GDPD4: variants seen among roughly 807,000 people sequenced by gnomAD.
GDPD4 encodes the protein glycerophosphodiester phosphodiesterase domain containing 4, also known as glycerophosphodiester phosphodiesterase 6.
In GDPD4, 60 loss-of-function variants were observed where a neutral mutation model predicts 67.8. That is an observed-to-expected ratio of 0.88 (90% confidence interval 0.72 to 1.10). The LOEUF is 1.10. Among genes scored for constraint, GDPD4 ranks in the 50% least tolerant of loss-of-function variants. The pLI is 0.00. For synonymous variants in GDPD4, 212 were observed against 210.9 expected, an observed-to-expected ratio of 1.00 and a Z score of -0.04; for missense variants, 623 against 613.9, an observed-to-expected ratio of 1.01 and a Z score of -0.16.
At chr11:77,296,596 C>T (rs113860598) in intron 1 of GDPD4, among the ~76,000 whole-genome samples, 3,652 of 151,572 alleles carry the variant, frequency 0.024, 160 homozygotes, top group African/African-American at 0.084. Context: ...GCTGGGATTA[C>T]AGGTGTGAGC....
rs140778594 is a variant in GDPD4, at chr11:77,285,249, T to C, written c.-50-62A>G. 4.6e-4 allele frequency: 366 copies of C among 795,398 alleles called. 4 individuals carry two copies. The African/African-American group carries it at 5.7e-3, about 12-fold the overall frequency. 49.3% of individuals were successfully genotyped at this position (795,398 alleles called of 1,614,324 possible). On this transcript the variant is annotated intron_variant, in intron 2 of 16. Transcript: ENST00000315938. ...TTATCCTTGTTACCTCAGCAGTTTCTGTATACACTTGCCAAAGGTCAGCAT... is the reference window on the plus strand; with the variant it reads ...TTATCCTTGTTACCTCAGCAGTTTCCGTATACACTTGCCAAAGGTCAGCAT...
chr11:77,284,303 A>G (rs1959892729), intron 3 of GDPD4, among the ~76,000 whole-genome samples: 1 of 152,234 alleles, frequency 6.6e-6, no homozygotes, highest in African/African-American at 2.4e-5. Flanking sequence ...GAAAAGAGAA[A>G]GCAAAATTAT....
At chr11:77,225,238 C>T (rs1363275815) in intron 16 of GDPD4, among the ~76,000 whole-genome samples, 1 of 150,542 alleles carries the variant, frequency 6.6e-6, no homozygotes, top group East Asian at 2.0e-4. Flanking sequence ...GAGGTGGAGG[C>T]TGCAGTGAGC....
At chr11:77,296,129 T>C (rs61901771) in intron 1 of GDPD4, among the ~76,000 whole-genome samples, 51,843 of 150,096 alleles carry the variant, frequency 0.35, 9,199 homozygotes, top group Admixed American at 0.47. Flanking sequence ...CGGGCGCCTA[T>C]AGTCCCAGCT....
At chr11:77,236,812 C>G (rs1254820347) in intron 13 of GDPD4, among the ~76,000 whole-genome samples, 1 of 152,068 alleles carries the variant, frequency 6.6e-6, no homozygotes, top group Non-Finnish European at 1.5e-5. Flanking sequence ...TGGTAACTGA[C>G]AGATAGCAGT....
intron 12 of GDPD4, 24 bp from the exon 13 acceptor site, chr11:77,243,872 C>T (rs754693771): frequency 7.5e-6 from 12 of 1,591,360 alleles, no homozygotes; most frequent in East Asian, 4.5e-5. Context: ...CAAGAAGTCC[C>T]TCAGTAGATA....
chr11:77,232,588 C>T (rs1417297740), intron 14 of GDPD4, among the ~76,000 whole-genome samples: 6 of 152,160 alleles, frequency 3.9e-5, no homozygotes, highest in Admixed American at 1.3e-4. Context: ...GAGTCAAGTA[C>T]GCTTGGTTTT....
chr11:77,252,732 C>T (rs1958931334), intron 11 of GDPD4, among the ~76,000 whole-genome samples: 1 of 152,142 alleles, frequency 6.6e-6, no homozygotes, highest in Non-Finnish European at 1.5e-5. Flanking sequence ...GACTTTGTTC[C>T]TGGGTAGGTG....
rs946151188 is a variant in GDPD4, at chr11:77,270,023, G to T, written c.401-63C>A. On this transcript the variant is annotated intron_variant, in intron 7 of 16. Transcript: ENST00000315938. ...TTGTCCCCTTTAAGCCCTTGCCCCA[G>T]AAATACTTTCTAAAATTTACCCTCC... 3.8e-6 allele frequency: 3 copies of T among 792,836 alleles called. No homozygotes were observed. The Admixed American group carries it at 7.8e-5, about 21-fold the overall frequency. 49.1% of individuals were successfully genotyped at this position (792,836 alleles called of 1,614,324 possible).
At chr11:77,298,085 T>C (rs1938035824) in intron 1 of GDPD4, among the ~76,000 whole-genome samples, 1 of 151,996 alleles carries the variant, frequency 6.6e-6, no homozygotes, top group Non-Finnish European at 1.5e-5. Flanking sequence ...CTACAGTTTT[T>C]TGTTGTTGTT....
chr11:77,260,331 G>T (rs923597497), intron 10 of GDPD4, among the ~76,000 whole-genome samples: 1 of 151,048 alleles, frequency 6.6e-6, no homozygotes, highest in Non-Finnish European at 1.5e-5. Context: ...TCGGGGGAGG[G>T]GGGGGAATAA....
chr11:77,275,606 C>T (rs963345325), intron 5 of GDPD4, among the ~76,000 whole-genome samples: 1 of 152,154 alleles, frequency 6.6e-6, no homozygotes, highest in Non-Finnish European at 1.5e-5. Context: ...CCTTTCTCCC[C>T]TCTCCTTGTG....
chr11:77,259,954 T>C (rs1247402101), intron 10 of GDPD4, among the ~76,000 whole-genome samples: 1 of 152,140 alleles, frequency 6.6e-6, no homozygotes, highest in Non-Finnish European at 1.5e-5. Flanking sequence ...TCAAGTTCCA[T>C]CCAGCGAGAG....
chr11:77,231,079 G>T (rs775395999), intron 14 of GDPD4, among the ~76,000 whole-genome samples: 33 of 152,184 alleles, frequency 2.2e-4, no homozygotes, highest in Non-Finnish European at 4.4e-4. Flanking sequence ...AGCTGACTTG[G>T]CTCAAACCAG....
chr11:77,270,608 C>T (rs1041408938), intron 7 of GDPD4, among the ~76,000 whole-genome samples: 1 of 152,148 alleles, frequency 6.6e-6, no homozygotes, highest in Non-Finnish European at 1.5e-5. Context: ...ACTTGGGAGG[C>T]TGAGGCTGGA....
intron 1 of GDPD4, among the ~76,000 whole-genome samples, chr11:77,293,589 CAAAAA>C (rs35700863): frequency 7.2e-6 from 1 of 139,542 alleles, no homozygotes; most frequent in Non-Finnish European, 1.6e-5. Flanking sequence ...GACCTTGTCT[CAAAAA>C]AAAAAAAAAA....
At chr11:77,264,781 A>G (rs990158368) in intron 10 of GDPD4, among the ~76,000 whole-genome samples, 1 of 152,112 alleles carries the variant, frequency 6.6e-6, no homozygotes, top group Admixed American at 6.6e-5. Flanking sequence ...CACTCACCCT[A>G]AAATATGACG....
intron 11 of GDPD4, among the ~76,000 whole-genome samples, chr11:77,256,808 C>A (rs769718334): frequency 1.1e-4 from 17 of 152,178 alleles, no homozygotes; most frequent in Non-Finnish European, 2.2e-4. Flanking sequence ...CATCTTCTGC[C>A]ATGAGTAAAA....
At chr11:77,269,795 T>C (rs1207612251) in intron 8 of GDPD4, 88 bp downstream of exon 8, 5 of 695,852 alleles carry the variant, frequency 7.2e-6, no homozygotes, top group Non-Finnish European at 1.3e-5. Context: ...CTTACTATTT[T>C]AGACCTCTGG....
Sources: allele counts gnomAD v4.1 joint callset (sites outside exome capture counted in the v4.1 genomes callset), GRCh38; gene constraint gnomAD v4.1.1; transcripts MANE v1.5; gene names NCBI Gene and HGNC (gene_info 2026-07-23, HGNC 2026-07-21).